Variants in PRR16 observed in about 807,000 individuals in gnomAD.
PRR16 encodes protein Largen.
PRR16 carries 6 observed loss-of-function variants against 18.2 expected under a neutral mutation model. The observed-to-expected ratio is 0.33, with a 90% CI of 0.18 to 0.65. The LOEUF is 0.65. Ranked by LOEUF, PRR16 falls within the 30% of genes least tolerant of loss-of-function variation. The pLI is 0.74. For synonymous variants in PRR16, 151 were observed against 147.8 expected (o/e 1.02, Z -0.16); for missense variants, 412 against 376.6 (o/e 1.09, Z -0.78).
chr5:120,737,304 T>C, the PRR16 span, among the ~76,000 whole-genome samples: 1 of 118,714 alleles, frequency 8.4e-6, no homozygotes, highest in Non-Finnish European at 1.7e-5. Flanking sequence ...CCTAGTTTGT[T>C]GAGTTTTTTT....
intron 1 of PRR16, among the ~76,000 whole-genome samples, chr5:120,504,863 A>G (rs567506544): frequency 6.6e-6 from 1 of 152,284 alleles, no homozygotes; most frequent in Admixed American, 6.5e-5. Context: ...AAATCCCCCA[A>G]GGCCCATAGT....
chr5:120,537,780 T>A (rs897938124), intron 1 of PRR16, among the ~76,000 whole-genome samples: 53 of 143,776 alleles, frequency 3.7e-4, no homozygotes, highest in African/African-American at 1.1e-3. Context: ...TTTTTTTTTT[T>A]TTTTTTTTTT....
the PRR16 span, among the ~76,000 whole-genome samples, chr5:120,779,206 GC>G: frequency 6.6e-6 from 1 of 152,110 alleles, no homozygotes; most frequent in East Asian, 1.9e-4. Flanking sequence ...CTCCAATCTG[GC>G]TGCAACAGTT....
Position 120,667,946 on chromosome 5 carries a change from G to C in PRR16, c.160-18008G>C, listed in dbSNP as rs199861637. 6.7e-3 allele frequency among the ~76,000 whole-genome samples: 1,022 copies of C among 152,178 alleles called. 61 individuals carry two copies. The East Asian group carries it at 0.16, about 24-fold the overall frequency. ...GTATATTCTGTTGATTTGGGGTGGAGAGTTCTGTAGATGTCTATTAGGTCT... is the reference window on the plus strand; with the variant it reads ...GTATATTCTGTTGATTTGGGGTGGACAGTTCTGTAGATGTCTATTAGGTCT... On this transcript the variant is annotated intron_variant, in intron 1 of 1. Transcript: ENST00000407149.
At chr5:120,486,023 C>G (rs896360306) in intron 1 of PRR16, among the ~76,000 whole-genome samples, 12 of 152,086 alleles carry the variant, frequency 7.9e-5, no homozygotes, top group African/African-American at 2.4e-4. Context: ...TGTATATGTG[C>G]CACATTTTCT....
At chr5:120,777,667 G>C in the PRR16 span, among the ~76,000 whole-genome samples, 1 of 152,054 alleles carries the variant, frequency 6.6e-6, no homozygotes, top group Non-Finnish European at 1.5e-5. Flanking sequence ...AAGTGAAAAA[G>C]CCAGGACTAA....
At chr5:120,578,052 AC>A (rs1178174196) in intron 1 of PRR16, among the ~76,000 whole-genome samples, 1 of 152,176 alleles carries the variant, frequency 6.6e-6, no homozygotes, top group Non-Finnish European at 1.5e-5. Flanking sequence ...ATTTAAAAAT[AC>A]CTTCCATTAG....
At chr5:120,679,052 A>G (rs1174341126) in intron 1 of PRR16, among the ~76,000 whole-genome samples, 1 of 152,180 alleles carries the variant, frequency 6.6e-6, no homozygotes, top group African/African-American at 2.4e-5. Context: ...ACTCATATTT[A>G]TCACTATTTT....
intron 1 of PRR16, among the ~76,000 whole-genome samples, chr5:120,548,006 T>C (rs968234036): frequency 6.6e-6 from 1 of 152,038 alleles, no homozygotes; most frequent in Admixed American, 6.6e-5. Context: ...AAATTATAGA[T>C]TTAGGATGAG....
intron 1 of PRR16, among the ~76,000 whole-genome samples, chr5:120,602,431 C>T (rs1042795670): frequency 3.3e-5 from 5 of 152,116 alleles, no homozygotes; most frequent in African/African-American, 4.8e-5. Context: ...GGAATCTTTA[C>T]TGAAGTTGTT....
chr5:120,792,966 A>G, the PRR16 span, among the ~76,000 whole-genome samples: 3 of 149,052 alleles, frequency 2.0e-5, no homozygotes, highest in Non-Finnish European at 4.5e-5. Flanking sequence ...CAACCTGGAC[A>G]ACATGGTGAA....
chr5:120,556,230 A>G (rs1033134872), intron 1 of PRR16, among the ~76,000 whole-genome samples: 14 of 100,518 alleles, frequency 1.4e-4, no homozygotes, highest in African/African-American at 5.8e-4. Flanking sequence ...GGTCAATTTC[A>G]TTGTTTTTTT....
chr5:120,571,974 A>G (rs1486043195), intron 1 of PRR16, among the ~76,000 whole-genome samples: 4 of 151,838 alleles, frequency 2.6e-5, no homozygotes, highest in South Asian at 4.2e-4. Context: ...TAGTCTCAGG[A>G]CCTCCCAACA....
chr5:120,771,308 C>T, the PRR16 span, among the ~76,000 whole-genome samples: 1 of 151,994 alleles, frequency 6.6e-6, no homozygotes, highest in African/African-American at 2.4e-5. Context: ...AGCACTAATA[C>T]TCAAAATGAT....
At chr5:120,551,762 G>A (rs773573800) in intron 1 of PRR16, among the ~76,000 whole-genome samples, 37 of 152,092 alleles carry the variant, frequency 2.4e-4, no homozygotes, top group Middle Eastern at 3.4e-3. Context: ...TGTGGAGAAA[G>A]ACCTCGGTTG....
At chr5:120,691,542 C>T (rs1757209560), downstream of PRR16, among the ~76,000 whole-genome samples, 1 of 152,094 alleles carries the variant, frequency 6.6e-6, no homozygotes, top group Non-Finnish European at 1.5e-5. Context: ...GCCATTGACC[C>T]TGACTCTGTC....
At chr5:120,649,786 G>A (rs779415031) in intron 1 of PRR16, among the ~76,000 whole-genome samples, 61 of 151,860 alleles carry the variant, frequency 4.0e-4, no homozygotes, top group Non-Finnish European at 1.5e-4. Flanking sequence ...TGTTTTCTTG[G>A]GAGATAAAAA....
At chr5:120,711,232 T>C in the PRR16 span, among the ~76,000 whole-genome samples, 2 of 152,318 alleles carry the variant, frequency 1.3e-5, no homozygotes, top group African/African-American at 4.8e-5. Flanking sequence ...TCATGGAGTA[T>C]GGGGATTAGA....
the PRR16 span, among the ~76,000 whole-genome samples, chr5:120,737,584 T>A: frequency 3.3e-5 from 5 of 151,880 alleles, no homozygotes; most frequent in African/African-American, 1.2e-4. Flanking sequence ...CTTTTCAGAA[T>A]AATGCTGATC....
Sources: gnomAD v4.1 joint callset for allele counts (sites outside exome capture counted in the v4.1 genomes callset) on GRCh38, gnomAD v4.1.1 for gene constraint, MANE v1.5 for transcripts, NCBI Gene and HGNC (gene_info 2026-07-23, HGNC 2026-07-21) for gene names.